Variants in NRXN1 observed in about 807,000 individuals in gnomAD.
The protein encoded by NRXN1 is neurexin-1.
Under a neutral mutation model 150.9 loss-of-function variants are expected in NRXN1, and 39 were observed. The observed-to-expected ratio is 0.26, with a 90% CI of 0.20 to 0.34. The LOEUF (loss-of-function observed/expected upper bound fraction) is 0.34, where lower values mean the gene tolerates loss of function less well. NRXN1 is among the 10% of genes least tolerant of loss of function. NRXN1 has a pLI of 1.00. For missense variants in NRXN1, 1,815 were observed against 1,949.9 expected (o/e 0.93, Z 1.30); for synonymous variants, 924 against 757.0 (o/e 1.22, Z -3.62).
At chr2:50,323,126 G>A (rs1453149994) in intron 17 of NRXN1, among the ~76,000 whole-genome samples, 1 of 152,054 alleles carries the variant, frequency 6.6e-6, no homozygotes, top group Non-Finnish European at 1.5e-5. Flanking sequence ...ATCCCTGAGG[G>A]GTCAACTGTA....
At position 50,973,168 on chromosome 2, in the gene NRXN1, T is replaced by C. The variant is rs572544794; in HGVS notation, c.773-47213A>G. Among the ~76,000 whole-genome samples the C allele has an allele frequency of 1.1e-4, 16 of 152,296 alleles. No homozygotes were observed. In the East Asian group the frequency reaches 3.1e-3, roughly 29 times the overall value. On this transcript the variant is annotated intron_variant, in intron 2 of 22. Transcript: ENST00000401669. ...ACCAGGAGCAATGACTTAATCCAAA[T>C]GCATTGCAACTAGAGGCTGACTTGA...
intron 13 of NRXN1, among the ~76,000 whole-genome samples, chr2:50,504,241 G>C (rs994498421): frequency 3.3e-5 from 5 of 151,410 alleles, no homozygotes; most frequent in African/African-American, 1.2e-4. Flanking sequence ...AACTGACAAA[G>C]CTGGAATATG....
At position 50,621,210 on chromosome 2, in the gene NRXN1, A is replaced by T; in HGVS notation, c.1158+16T>A. 6 of 1,564,670 alleles carry T rather than the reference A, an allele frequency of 3.8e-6. No individual in the cohort carries two copies. The highest frequency in any genetic ancestry group is 5.2e-6 in the Non-Finnish European group (6 of 1,153,092). ...ACAATTAGAATGATATCTACCGAAC[A>T]ATGTAGTTTGTTTACCATAGCGTGT... On this transcript the variant is annotated intron_variant, in intron 7 of 22. Transcript: ENST00000401669.
chr2:50,026,204 C>T (rs1688251863), intron 21 of NRXN1, among the ~76,000 whole-genome samples: 1 of 152,152 alleles, frequency 6.6e-6, no homozygotes, highest in Non-Finnish European at 1.5e-5. Context: ...AAAAAATCCA[C>T]TAGATTTTTA....
At chr2:50,467,995 A>G (rs1249267888) in intron 16 of NRXN1, among the ~76,000 whole-genome samples, 1 of 151,570 alleles carries the variant, frequency 6.6e-6, no homozygotes, top group Non-Finnish European at 1.5e-5. Context: ...TAATTAGCAT[A>G]TTTTTAAAAA....
At chr2:50,035,531 T>A (rs1266470153) in intron 21 of NRXN1, among the ~76,000 whole-genome samples, 2 of 152,154 alleles carry the variant, frequency 1.3e-5, no homozygotes, top group Non-Finnish European at 2.9e-5. Flanking sequence ...CAGATAATAT[T>A]CTTATCCTCA....
chr2:50,850,658 T>C (rs892014153), intron 5 of NRXN1, among the ~76,000 whole-genome samples: 2 of 152,172 alleles, frequency 1.3e-5, no homozygotes, highest in African/African-American at 4.8e-5. Context: ...TTCATCACCT[T>C]CATGCTTAAA....
At chr2:50,302,200 T>C (rs1008800545) in intron 17 of NRXN1, among the ~76,000 whole-genome samples, 1 of 152,152 alleles carries the variant, frequency 6.6e-6, no homozygotes, top group Non-Finnish European at 1.5e-5. Flanking sequence ...CTTTGAGATT[T>C]TTTTCTTCTT....
In NRXN1 at chr2:49,949,751, T is replaced by C. The variant is rs1320005911; in HGVS notation, c.4129-5960A>G. The stretch of plus-strand genomic sequence containing the variant: ...GACATGAGCATTGTATAACATTATT[T>C]AGCCTAATATTTAACTGTTGTGACT... On this transcript the variant is annotated intron_variant, in intron 21 of 22. Coordinates refer to ENST00000401669, the MANE Select transcript of NRXN1 (RefSeq NM_001330078.2). 2.0e-5 allele frequency among the ~76,000 whole-genome samples: 3 copies of C among 152,088 alleles called. No individual in the cohort carries two copies. In the East Asian group the frequency reaches 5.8e-4, roughly 29 times the overall value.
intron 17 of NRXN1, among the ~76,000 whole-genome samples, chr2:50,445,061 A>G (rs1199539599): frequency 1.3e-5 from 2 of 152,118 alleles, no homozygotes; most frequent in Non-Finnish European, 2.9e-5. Flanking sequence ...CTGCCATAAT[A>G]AAAGCAGACT....
intron 5 of NRXN1, among the ~76,000 whole-genome samples, chr2:50,870,818 G>C (rs7340321): frequency 5.3e-5 from 8 of 151,724 alleles, no homozygotes; most frequent in African/African-American, 1.9e-4. Flanking sequence ...TCTCTATTTA[G>C]CATATACAAT....
intron 15 of NRXN1, among the ~76,000 whole-genome samples, chr2:50,474,839 C>CCCCCAAAAAA (rs1558795095): frequency 4.6e-5 from 5 of 108,836 alleles, no homozygotes; most frequent in East Asian, 2.6e-4. Context: ...GCCCCCCTAC[C>CCCCCAAAAAA]AAAAAAAAAA....
intron 17 of NRXN1, among the ~76,000 whole-genome samples, chr2:50,400,258 T>A (rs920510069): frequency 6.6e-6 from 1 of 152,152 alleles, no homozygotes; most frequent in East Asian, 1.9e-4. Context: ...TATTCCAATA[T>A]GTGTAAGATT....
chr2:50,838,316 T>C (rs1436492188), intron 5 of NRXN1, among the ~76,000 whole-genome samples: 3 of 151,994 alleles, frequency 2.0e-5, no homozygotes, highest in Non-Finnish European at 4.4e-5. Context: ...AAAGAAAAAA[T>C]TGAGAGAACA....
At chr2:50,170,028 T>C (rs1294881316) in intron 18 of NRXN1, among the ~76,000 whole-genome samples, 1 of 151,986 alleles carries the variant, frequency 6.6e-6, no homozygotes, top group Non-Finnish European at 1.5e-5. Flanking sequence ...GAAAAAAATA[T>C]ATTTTACTTG....
chr2:50,078,636 T>C (rs777346299), intron 19 of NRXN1, among the ~76,000 whole-genome samples: 1 of 152,112 alleles, frequency 6.6e-6, no homozygotes, highest in Non-Finnish European at 1.5e-5. Context: ...TTTTTTGTAA[T>C]TCGTGTAGTT....
intron 2 of NRXN1, among the ~76,000 whole-genome samples, chr2:51,020,043 G>C (rs1334416509): frequency 6.7e-6 from 1 of 150,112 alleles, no homozygotes; most frequent in Non-Finnish European, 1.5e-5. Context: ...CAGCATTTCT[G>C]TTTTAATTTG....
intron 17 of NRXN1, among the ~76,000 whole-genome samples, chr2:50,240,257 CT>C (rs1022638737): frequency 6.6e-6 from 1 of 151,640 alleles, no homozygotes; most frequent in African/African-American, 2.4e-5. Context: ...TTCTAGTTTC[CT>C]TTTTTCCCAC....
chr2:50,296,149 C>A (rs1181852752), intron 17 of NRXN1, among the ~76,000 whole-genome samples: 1 of 152,144 alleles, frequency 6.6e-6, no homozygotes, highest in Non-Finnish European at 1.5e-5. Context: ...TTCACGCCTA[C>A]TTGATAAGTA....
Sources: gnomAD v4.1 joint callset for allele counts (sites outside exome capture counted in the v4.1 genomes callset) on GRCh38, gnomAD v4.1.1 for gene constraint, MANE v1.5 for transcripts, NCBI Gene and HGNC (gene_info 2026-07-23, HGNC 2026-07-21) for gene names.